The following NT5DC1 variants were observed in gnomAD, a reference collection of about 807,000 sequenced individuals.
The protein encoded by NT5DC1 is 5'-nucleotidase domain containing 1, also known as 5'-nucleotidase domain-containing protein 1.
A neutral mutation model predicts 59.4 loss-of-function variants in NT5DC1; 42 were observed. The observed-to-expected ratio is 0.71, with a 90% CI of 0.55 to 0.92. The LOEUF is 0.92. Ranked by LOEUF, NT5DC1 falls within the 40% of genes least tolerant of loss-of-function variation. The pLI is 0.00. For synonymous variants in NT5DC1, 172 were observed against 188.1 expected, an observed-to-expected ratio of 0.91 and a Z score of 0.70; for missense variants, 501 against 537.1, an observed-to-expected ratio of 0.93 and a Z score of 0.66.
At chr6:116,241,200 G>T (rs1771709840) in intron 11 of NT5DC1, among the ~76,000 whole-genome samples, 1 of 150,914 alleles carries the variant, frequency 6.6e-6, no homozygotes. Flanking sequence ...GAAAATGTAT[G>T]TCCAGAAACC....
chr6:116,161,159 G>A (rs1442331816), intron 6 of NT5DC1, among the ~76,000 whole-genome samples: 4 of 142,108 alleles, frequency 2.8e-5, no homozygotes, highest in African/African-American at 5.3e-5. Context: ...CATGGACACA[G>A]GAAGGGGAAC....
intron 6 of NT5DC1, among the ~76,000 whole-genome samples, chr6:116,155,312 C>A (rs912640801): frequency 5.3e-5 from 8 of 152,160 alleles, no homozygotes; most frequent in East Asian, 3.9e-4. Flanking sequence ...AAATAATAAT[C>A]TTTCTTATTA....
chr6:116,213,269 A>G (rs956095410), intron 6 of NT5DC1, among the ~76,000 whole-genome samples: 4 of 152,208 alleles, frequency 2.6e-5, no homozygotes, highest in Admixed American at 2.0e-4. Flanking sequence ...CAAGGGGCTC[A>G]CTATGTCTTG....
chr6:116,153,770 A>G (rs1252588810), intron 6 of NT5DC1, among the ~76,000 whole-genome samples: 1 of 152,158 alleles, frequency 6.6e-6, no homozygotes, highest in Non-Finnish European at 1.5e-5. Flanking sequence ...TGTTTTATGC[A>G]ATGATATGAA....
At chr6:116,144,487 G>A (rs1169777856) in intron 6 of NT5DC1, among the ~76,000 whole-genome samples, 4 of 150,004 alleles carry the variant, frequency 2.7e-5, no homozygotes, top group Non-Finnish European at 4.4e-5. Flanking sequence ...ATGACAGAGC[G>A]AGACTCCGTC....
chr6:116,117,512 A>G (rs2114265653), intron 5 of NT5DC1, among the ~76,000 whole-genome samples: 1 of 152,350 alleles, frequency 6.6e-6, no homozygotes, highest in East Asian at 1.9e-4. Context: ...CACCTAGTTT[A>G]CTGAACATCA....
chr6:116,151,938 T>G (rs547120756), intron 6 of NT5DC1, among the ~76,000 whole-genome samples: 5 of 152,316 alleles, frequency 3.3e-5, no homozygotes, highest in Admixed American at 3.3e-4. Flanking sequence ...TAAGAACATG[T>G]TATTTGGGGA....
At chr6:116,189,214 A>G (rs546013490) in intron 6 of NT5DC1, among the ~76,000 whole-genome samples, 24 of 151,946 alleles carry the variant, frequency 1.6e-4, no homozygotes, top group African/African-American at 5.8e-4. Flanking sequence ...AAATTGTAAT[A>G]AAAGTTTTAC....
intron 9 of NT5DC1, chr6:116,237,385 G>C: frequency 1.9e-6 from 1 of 514,834 alleles, no homozygotes; most frequent in Non-Finnish European, 3.8e-6. Context: ...AGATACACTT[G>C]TTTTTGACAG....
chr6:116,172,441 C>T (rs1371274170), intron 6 of NT5DC1, among the ~76,000 whole-genome samples: 1 of 151,052 alleles, frequency 6.6e-6, no homozygotes, highest in Non-Finnish European at 1.5e-5. Context: ...CCTGCCTCAG[C>T]TTGCTGAGTA....
intron 6 of NT5DC1, among the ~76,000 whole-genome samples, chr6:116,128,383 G>C (rs923019877): frequency 1.3e-5 from 2 of 152,122 alleles, no homozygotes; most frequent in African/African-American, 4.8e-5. Flanking sequence ...TACTCTGGGT[G>C]TTTACTTGTA....
intron 6 of NT5DC1, among the ~76,000 whole-genome samples, chr6:116,154,419 C>A (rs1202874473): frequency 6.6e-6 from 1 of 152,052 alleles, no homozygotes; most frequent in African/African-American, 2.4e-5. Flanking sequence ...TCTTACCTGG[C>A]CCCTGACAAC....
intron 6 of NT5DC1, among the ~76,000 whole-genome samples, chr6:116,199,996 A>AG (rs1562161604): frequency 0.05 from 4,915 of 97,802 alleles, 311 homozygotes; most frequent in African/African-American, 0.23. Flanking sequence ...ACAGTATGGA[A>AG]AGTGGGGGGG....
chr6:116,126,851 TA>T (rs1177676019), intron 6 of NT5DC1, among the ~76,000 whole-genome samples: 1 of 151,990 alleles, frequency 6.6e-6, no homozygotes, highest in African/African-American at 2.4e-5. Flanking sequence ...GCTTTCAGCT[TA>T]AAAAAAATAT....
At chr6:116,222,586 C>T (rs982941043) in intron 7 of NT5DC1, among the ~76,000 whole-genome samples, 9 of 152,194 alleles carry the variant, frequency 5.9e-5, no homozygotes, top group Admixed American at 1.3e-4. Context: ...ATTTGAAGCA[C>T]TCTCTGAAAG....
rs117041667 is a variant in NT5DC1, at chr6:116,206,189, G to C, written c.530-14865G>C. Among the ~76,000 whole-genome samples, 569 of 152,106 alleles carry C rather than the reference G, an allele frequency of 3.7e-3. 4 individuals are homozygous for C. Among genetic ancestry groups the C allele is most frequent in the Middle Eastern group, 0.034 (10 of 294 alleles). ...TTGGGCCCATGCAGGGCAATTCCAT[G>C]ATGCAGTGTGGCCCATAGCATTTCG... is the stretch of plus-strand genomic sequence containing the variant. On this transcript the variant is annotated intron_variant, in intron 6 of 11. Transcript: ENST00000319550.
chr6:116,153,995 T>C (rs1562141381), intron 6 of NT5DC1, among the ~76,000 whole-genome samples: 1 of 151,416 alleles, frequency 6.6e-6, no homozygotes, highest in African/African-American at 2.4e-5. Flanking sequence ...TCTTTGAAAA[T>C]AGAATGTACA....
chr6:116,168,218 T>C (rs1034412012), intron 6 of NT5DC1, among the ~76,000 whole-genome samples: 3 of 152,100 alleles, frequency 2.0e-5, no homozygotes, highest in Admixed American at 6.5e-5. Context: ...TTTCTCTCTT[T>C]CTGGGATTTC....
At chr6:116,237,576 G>A (rs9488874) in intron 9 of NT5DC1, 4,584 of 453,182 alleles carry the variant, frequency 0.01, 158 homozygotes, top group African/African-American at 0.081. Flanking sequence ...GGATGGAGCA[G>A]TCTGACTTGC....
Sources: gnomAD v4.1 joint callset for allele counts (sites outside exome capture counted in the v4.1 genomes callset) on GRCh38, gnomAD v4.1.1 for gene constraint, MANE v1.5 for transcripts, NCBI Gene and HGNC (gene_info 2026-07-23, HGNC 2026-07-21) for gene names.